PTK2: variants seen among roughly 807,000 people sequenced by gnomAD.
The protein encoded by PTK2 is protein tyrosine kinase 2, also known as focal adhesion kinase 1.
A neutral mutation model predicts 150.1 loss-of-function variants in PTK2; 45 were observed. That is an observed-to-expected ratio of 0.30 (90% CI 0.24 to 0.38). PTK2 has a LOEUF of 0.38. Ranked by LOEUF, PTK2 falls within the 10% of genes least tolerant of loss-of-function variation. The probability of loss-of-function intolerance (pLI) is 1.00; values close to 1 mark genes in which losing one functional copy is unlikely to be tolerated. For synonymous variants in PTK2, 432 were observed against 449.2 expected, an observed-to-expected ratio of 0.96 and a Z score of 0.48; for missense variants, 919 against 1,307.3, an observed-to-expected ratio of 0.70 and a Z score of 4.58.
chr8:140,718,715 G>A (rs1253381314), intron 22 of PTK2: 1 of 152,154 alleles, frequency 6.6e-6, no homozygotes, highest in Non-Finnish European at 1.5e-5. Context: ...CTGCTTGGCT[G>A]GAGGCTAGAA....
intron 1 of PTK2, among the ~76,000 whole-genome samples, chr8:140,929,471 T>C (rs11786423): frequency 0.42 from 63,438 of 152,002 alleles, 15,171 homozygotes; most frequent in Non-Finnish European, 0.55. Flanking sequence ...GTTCCAGCCC[T>C]GTACAAGGTG....
At chr8:140,926,365 C>T (rs928992229) in intron 1 of PTK2, among the ~76,000 whole-genome samples, 2 of 152,144 alleles carry the variant, frequency 1.3e-5, no homozygotes, top group Non-Finnish European at 2.9e-5. Context: ...CACAGTTAAA[C>T]CACCACCTAT....
intron 2 of PTK2, among the ~76,000 whole-genome samples, chr8:140,894,087 T>A (rs564977089): frequency 6.6e-6 from 1 of 152,306 alleles, no homozygotes; most frequent in African/African-American, 2.4e-5. Context: ...CCCAATGTGA[T>A]GCTATTACAA....
At chr8:140,864,616 A>G (rs1225996774) in intron 4 of PTK2, among the ~76,000 whole-genome samples, 8 of 152,224 alleles carry the variant, frequency 5.3e-5, no homozygotes, top group African/African-American at 1.9e-4. Flanking sequence ...TGATTCAAGG[A>G]AACAGAGCAT....
intron 22 of PTK2, among the ~76,000 whole-genome samples, chr8:140,726,630 C>T (rs750014200): frequency 2.6e-5 from 4 of 151,924 alleles, no homozygotes; most frequent in Non-Finnish European, 4.4e-5. Flanking sequence ...AAAAAAATTA[C>T]AACTCTGTCA....
At chr8:140,920,624 C>T (rs1376318069) in intron 2 of PTK2, among the ~76,000 whole-genome samples, 1 of 152,082 alleles carries the variant, frequency 6.6e-6, no homozygotes, top group African/African-American at 2.4e-5. Context: ...AAAATATTTT[C>T]ATTTGCTATT....
rs576810832 is a variant in PTK2 at position 140,954,088 on chromosome 8, C to A, written c.-121-28339G>T. Among the ~76,000 whole-genome samples, 3 of 152,218 alleles carry A rather than the reference C, an allele frequency of 2.0e-5. No individual in the cohort carries two copies. In the South Asian group the frequency reaches 6.2e-4, roughly 32 times the overall value. On this transcript the variant is annotated intron_variant, in intron 1 of 31. Transcript: ENST00000522684. ...TGTGGAGGTTCAAGGAATTCTCCTG[C>A]CTCAGCCTCCCGAGTAGCTGGGATT...
intron 1 of PTK2, among the ~76,000 whole-genome samples, chr8:140,985,943 A>T (rs1182989997): frequency 6.6e-6 from 1 of 152,244 alleles, no homozygotes; most frequent in Non-Finnish European, 1.5e-5. Context: ...AGTCTATTAA[A>T]GGAACTCAAT....
rs757582957 is a variant in PTK2 at position 140,967,464 on chromosome 8, T to C, written c.-122+33661A>G. Among the ~76,000 whole-genome samples the C allele has an allele frequency of 3.9e-4, 21 of 53,966 alleles. 1 individual carries two copies. Among genetic ancestry groups the C allele is most frequent in the Admixed American group, 3.6e-3 (21 of 5,820 alleles). 35.4% of individuals were successfully genotyped at this position (53,966 alleles called of 152,430 possible). On this transcript the variant is annotated intron_variant, in intron 1 of 31. Transcript: ENST00000522684. ...GTATTTCTTTCTTTCTTTCTTTCTT[T>C]TTTTTTTTTTTTTTGAGACGGAGTC...
intron 4 of PTK2, among the ~76,000 whole-genome samples, chr8:140,866,643 G>C (rs1181020543): frequency 6.6e-6 from 1 of 152,140 alleles, no homozygotes; most frequent in Non-Finnish European, 1.5e-5. Flanking sequence ...ATAATAAATG[G>C]TTTCTAAGGT....
intron 1 of PTK2, among the ~76,000 whole-genome samples, chr8:140,982,394 C>T (rs942395158): frequency 6.6e-6 from 1 of 152,190 alleles, no homozygotes; most frequent in Non-Finnish European, 1.5e-5. Context: ...GTCAGGAGTT[C>T]GAGACCAGCC....
chr8:140,759,548 A>AAG (rs1292238557), intron 16 of PTK2, among the ~76,000 whole-genome samples: 41 of 147,538 alleles, frequency 2.8e-4, no homozygotes, highest in Admixed American at 2.2e-3. Flanking sequence ...AAAAAAAAAA[A>AAG]AAAAAAGAAA....
chr8:140,893,506 T>C (rs1255966711), intron 2 of PTK2, among the ~76,000 whole-genome samples: 2 of 152,168 alleles, frequency 1.3e-5, no homozygotes, highest in Non-Finnish European at 2.9e-5. Context: ...TGGAGGAACC[T>C]TGAGAACATT....
intron 26 of PTK2, among the ~76,000 whole-genome samples, chr8:140,693,536 G>C (rs1015555939): frequency 1.5e-5 from 2 of 132,014 alleles, no homozygotes; most frequent in Non-Finnish European, 3.1e-5. Flanking sequence ...ACTCCAGCCA[G>C]GGCCACAGAG....
chr8:140,980,908 G>C (rs1475865225), intron 1 of PTK2, among the ~76,000 whole-genome samples: 1 of 150,334 alleles, frequency 6.7e-6, no homozygotes, highest in East Asian at 2.0e-4. Context: ...CCGCCACCAT[G>C]GCCAGCTAAT....
intron 2 of PTK2, among the ~76,000 whole-genome samples, chr8:140,894,842 T>G (rs1042595853): frequency 7.2e-5 from 11 of 152,150 alleles, no homozygotes; most frequent in Non-Finnish European, 1.3e-4. Context: ...AATACACCCT[T>G]ATAACTTTTG....
intron 2 of PTK2, among the ~76,000 whole-genome samples, chr8:140,901,465 C>A (rs1037211738): frequency 1.1e-4 from 17 of 152,146 alleles, no homozygotes; most frequent in African/African-American, 4.1e-4. Flanking sequence ...GCAAAAGACA[C>A]AATTAACAAA....
chr8:140,797,128 C>T (rs548052219), intron 12 of PTK2, among the ~76,000 whole-genome samples: 1 of 97,028 alleles, frequency 1.0e-5, no homozygotes, highest in Non-Finnish European at 1.8e-5. Context: ...TACAATGACA[C>T]AATCATGAGT....
rs372827293 is a variant in PTK2, at chr8:140,752,331, T to G, written c.1333-15A>C. 7 of 1,608,362 alleles carry G rather than the reference T, an allele frequency of 4.4e-6. No individual in the cohort carries two copies. In the South Asian group the frequency reaches 6.6e-5, roughly 15 times the overall value. Reference sequence around the variant, plus strand: ...GCTGGATTCTCCTGTGTTAGGGAAATTATAGAATCACACACACATGCAAAA... The same window carrying G: ...GCTGGATTCTCCTGTGTTAGGGAAAGTATAGAATCACACACACATGCAAAA... On this transcript the variant is annotated splice_polypyrimidine_tract_variant and intron_variant, in intron 16 of 31. Transcript: ENST00000522684.
Sources: allele counts gnomAD v4.1 joint callset (sites outside exome capture counted in the v4.1 genomes callset), GRCh38; gene constraint gnomAD v4.1.1; transcripts MANE v1.5; gene names NCBI Gene and HGNC (gene_info 2026-07-23, HGNC 2026-07-21).